Variants in DLGAP1 observed in about 807,000 individuals in gnomAD.
The protein encoded by DLGAP1 is disks large-associated protein 1.
A neutral mutation model predicts 90.8 loss-of-function variants in DLGAP1; 11 were observed. The ratio of observed to expected loss-of-function variants is 0.12; its 90% CI spans 0.08 to 0.20. The LOEUF (loss-of-function observed/expected upper bound fraction) is 0.20, where lower values mean the gene tolerates loss of function less well. Ranked by LOEUF, DLGAP1 falls within the 10% of genes least tolerant of loss-of-function variation. The pLI is 1.00. For synonymous variants in DLGAP1, 558 were observed against 540.7 expected (o/e 1.03, Z -0.44); for missense variants, 1,050 against 1,333.8 (o/e 0.79, Z 3.31).
intron 2 of DLGAP1, among the ~76,000 whole-genome samples, chr18:4,023,554 C>A (rs891426478): frequency 6.6e-6 from 1 of 152,160 alleles, no homozygotes; most frequent in African/African-American, 2.4e-5. Context: ...CTTGTCATAA[C>A]CTGACTCAAA....
At chr18:4,068,938 G>T (rs1039714646) in intron 2 of DLGAP1, among the ~76,000 whole-genome samples, 2 of 152,128 alleles carry the variant, frequency 1.3e-5, no homozygotes, top group African/African-American at 4.8e-5. Flanking sequence ...AAGAAGTGCT[G>T]CTTAGTGGCA....
intron 10 of DLGAP1, among the ~76,000 whole-genome samples, chr18:3,513,920 T>C (rs560638747): frequency 2.6e-4 from 39 of 152,260 alleles, no homozygotes; most frequent in Middle Eastern, 3.4e-3. Context: ...AAAAACACTT[T>C]CCTTTAACCC....
At chr18:3,886,779 C>T (rs2148846073) in intron 3 of DLGAP1, among the ~76,000 whole-genome samples, 1 of 152,298 alleles carries the variant, frequency 6.6e-6, no homozygotes, top group Non-Finnish European at 1.5e-5. Flanking sequence ...TTCCATTCTC[C>T]CTAGATGTGC....
chr18:4,002,095 C>G (rs1471432733), intron 3 of DLGAP1, among the ~76,000 whole-genome samples: 1 of 152,104 alleles, frequency 6.6e-6, no homozygotes, highest in Non-Finnish European at 1.5e-5. Context: ...TCTGGGAGGT[C>G]TTGCTTTTGC....
intron 7 of DLGAP1, among the ~76,000 whole-genome samples, chr18:3,632,477 A>G (rs762531620): frequency 6.6e-6 from 1 of 151,526 alleles, no homozygotes; most frequent in Non-Finnish European, 1.5e-5. Context: ...AATTTTGTGT[A>G]TTTTTCGCAG....
intron 3 of DLGAP1, among the ~76,000 whole-genome samples, chr18:3,891,433 G>T (rs1028582522): frequency 1.3e-5 from 2 of 152,070 alleles, no homozygotes; most frequent in African/African-American, 4.8e-5. Context: ...GCAAATTCCC[G>T]GTGTCCACTC....
intron 3 of DLGAP1, among the ~76,000 whole-genome samples, chr18:3,943,298 T>A (rs2072808175): frequency 6.6e-6 from 1 of 152,170 alleles, no homozygotes; most frequent in African/African-American, 2.4e-5. Context: ...TTCGCTTGGA[T>A]GTTTGGAAGT....
chr18:3,694,042 C>CT (rs34074376), intron 7 of DLGAP1, among the ~76,000 whole-genome samples: 7,909 of 148,644 alleles, frequency 0.053, 550 homozygotes, highest in African/African-American at 0.19. Context: ...CCACCCCCCC[C>CT]TCAGCCCCCA....
chr18:3,636,180 C>T (rs779460910), intron 7 of DLGAP1, among the ~76,000 whole-genome samples: 1 of 151,138 alleles, frequency 6.6e-6, no homozygotes, highest in Non-Finnish European at 1.5e-5. Context: ...TGGCCAACTC[C>T]TATCATCCTT....
intron 1 of DLGAP1, among the ~76,000 whole-genome samples, chr18:4,174,399 A>G (rs2077071758): frequency 6.6e-6 from 1 of 151,936 alleles, no homozygotes; most frequent in Non-Finnish European, 1.5e-5. Flanking sequence ...CAGTGGCACG[A>G]TCTCGGCTCA....
At chr18:4,113,514 A>G (rs1168039606) in intron 2 of DLGAP1, among the ~76,000 whole-genome samples, 1 of 152,052 alleles carries the variant, frequency 6.6e-6, no homozygotes, top group Non-Finnish European at 1.5e-5. Flanking sequence ...GATTCTGGGT[A>G]TTAGACCTTT....
intron 3 of DLGAP1, among the ~76,000 whole-genome samples, chr18:3,984,767 C>T (rs1413983871): frequency 1.3e-5 from 2 of 152,040 alleles, no homozygotes; most frequent in African/African-American, 2.4e-5. Flanking sequence ...TTGTTGCATG[C>T]ATGTCTCACC....
intron 5 of DLGAP1, among the ~76,000 whole-genome samples, chr18:3,782,222 C>T (rs139353356): frequency 5.3e-5 from 8 of 151,988 alleles, no homozygotes; most frequent in African/African-American, 1.7e-4. Context: ...CTGTGACCTC[C>T]GCCTCCTGGG....
chr18:4,426,050 A>G (rs1298933825), intron 1 of DLGAP1, among the ~76,000 whole-genome samples: 1 of 152,184 alleles, frequency 6.6e-6, no homozygotes. Flanking sequence ...AAGCAATAGC[A>G]AAAGGAAGTT....
chr18:3,823,208 T>C (rs2148497305), intron 4 of DLGAP1, among the ~76,000 whole-genome samples: 1 of 152,296 alleles, frequency 6.6e-6, no homozygotes, highest in South Asian at 2.1e-4. Context: ...CAAATCACAC[T>C]TCCTGGCTTC....
At position 3,582,031 on chromosome 18, in the gene DLGAP1, G is replaced by A. The variant is rs774022382; in HGVS notation, c.1809C>T (p.Ile603=). ...LDSMKALTAA[I]EAANAQIHGP... is the part of the protein sequence containing the mutation. ...CATGGATCTGGGCGTTTGCAGCTTC[G>A]ATGGCGGCTGTCAGAGCCTTCATAC... The change falls in exon 8 of 13, where the codon ATC becomes ATT. Residue 603 remains isoleucine (I), a synonymous_variant. Transcript: ENST00000315677. The A allele has an allele frequency of 1.7e-5, 28 of 1,613,722 alleles. No individual in the cohort carries two copies. Among genetic ancestry groups the A allele is most frequent in the East Asian group, 4.5e-5 (2 of 44,846 alleles).
At chr18:3,914,471 T>G (rs1306990226) in intron 3 of DLGAP1, among the ~76,000 whole-genome samples, 1 of 152,234 alleles carries the variant, frequency 6.6e-6, no homozygotes, top group Non-Finnish European at 1.5e-5. Flanking sequence ...ACACTTAGAT[T>G]GATTCCATCT....
At chr18:3,621,073 G>A (rs564239266) in intron 7 of DLGAP1, among the ~76,000 whole-genome samples, 1 of 152,130 alleles carries the variant, frequency 6.6e-6, no homozygotes, top group Non-Finnish European at 1.5e-5. Flanking sequence ...AGGTCCTTCT[G>A]GTAATTCTGA....
intron 1 of DLGAP1, among the ~76,000 whole-genome samples, chr18:4,185,942 C>T (rs982141169): frequency 6.6e-6 from 1 of 152,082 alleles, no homozygotes; most frequent in African/African-American, 2.4e-5. Context: ...ACCTCGCCAG[C>T]ATTTGTTTTT....
Sources: allele counts gnomAD v4.1 joint callset (sites outside exome capture counted in the v4.1 genomes callset), GRCh38; gene constraint gnomAD v4.1.1; transcripts MANE v1.5; gene names NCBI Gene and HGNC (gene_info 2026-07-23, HGNC 2026-07-21).